Variants in SYNE1 observed in about 807,000 individuals in gnomAD.
SYNE1 encodes the protein spectrin repeat containing nuclear envelope protein 1.
Under a neutral mutation model 1,111.0 loss-of-function variants are expected in SYNE1, and 616 were observed. The observed-to-expected ratio is 0.55, with a 90% CI of 0.52 to 0.59. SYNE1 has a LOEUF of 0.59. SYNE1 is among the 20% of genes least tolerant of loss of function. The pLI is 0.00. For missense variants in SYNE1, 10,006 were observed against 10,417.0 expected (o/e 0.96, Z 1.72); for synonymous variants, 3,855 against 3,825.8 (o/e 1.01, Z -0.28).
At chr6:152,520,659 C>T in intron 5 of SYNE1, 117 bp from the exon 6 acceptor site, 1 of 1,143,084 alleles carries the variant, frequency 8.7e-7, no homozygotes, top group Admixed American at 1.9e-5. Flanking sequence ...AAGCAACCAA[C>T]ATTGTTCACT....
chr6:152,277,274 T>C (rs1247306834), intron 98 of SYNE1, among the ~76,000 whole-genome samples: 28 of 129,204 alleles, frequency 2.2e-4, no homozygotes, highest in Non-Finnish European at 4.0e-4. Flanking sequence ...CTTTTTTTTT[T>C]TTTTTTTTTT....
intron 3 of SYNE1, among the ~76,000 whole-genome samples, chr6:152,623,553 C>G (rs2099679993): frequency 6.6e-6 from 1 of 152,044 alleles, no homozygotes; most frequent in African/African-American, 2.4e-5. Flanking sequence ...AGCTTCTACA[C>G]AGCAAAAGAA....
intron 58 of SYNE1, among the ~76,000 whole-genome samples, chr6:152,375,005 A>G (rs918436648): frequency 1.3e-5 from 2 of 151,676 alleles, no homozygotes; most frequent in Non-Finnish European, 2.9e-5. Context: ...CAGTGGCGCA[A>G]TCTTGGCTCA....
intron 60 of SYNE1, 93 bp downstream of exon 60, chr6:152,369,378 C>T: frequency 6.3e-7 from 1 of 1,578,150 alleles, no homozygotes; most frequent in Non-Finnish European, 8.7e-7. Context: ...GCAGCACAGT[C>T]TAACTCAAGG....
chr6:152,228,201 T>G (rs1329125699), intron 115 of SYNE1, among the ~76,000 whole-genome samples: 1 of 152,188 alleles, frequency 6.6e-6, no homozygotes, highest in Non-Finnish European at 1.5e-5. Context: ...GTTAGGCCAT[T>G]GTGATTTATT....
Position 152,428,338 on chromosome 6 carries a change from T to C in SYNE1, c.4843A>G (p.Ser1615Gly), listed in dbSNP as rs763256548. ...TCTCTGTTCACAACCTTCCTGGCACTGGCTGAGAAGGCAGTGATCGCGCTG... is the reference window on the plus strand; with the variant it reads ...TCTCTGTTCACAACCTTCCTGGCACCGGCTGAGAAGGCAGTGATCGCGCTG... ...LSSAITAFSA[S>G]ARKVVNRDSC... is the part of the protein sequence containing the mutation. Residue 1615 changes from serine to glycine, a missense_variant, in exon 37 of 146, where the codon AGT (serine) becomes GGT (glycine). Around this residue, in one of 7 missense-constraint regions of SYNE1, gnomAD observed 1,971 missense variants for 2,084.1 expected, o/e 0.95. Transcript: ENST00000367255. 3 of 1,614,040 alleles carry C rather than the reference T, an allele frequency of 1.9e-6. No individual in the cohort carries two copies. The highest frequency in any genetic ancestry group is 2.5e-6 in the Non-Finnish European group (3 of 1,180,046).
chr6:152,141,121 C>A, intron 139 of SYNE1, 82 bp downstream of exon 139: 14 of 1,592,100 alleles, frequency 8.8e-6, no homozygotes, highest in Non-Finnish European at 1.2e-5. Flanking sequence ...AGGCCAAGCC[C>A]CCTAAGTGGA....
At chr6:152,561,181 CA>C (rs1163261651) in intron 3 of SYNE1, among the ~76,000 whole-genome samples, 1 of 151,668 alleles carries the variant, frequency 6.6e-6, no homozygotes, top group Non-Finnish European at 1.5e-5. Context: ...TAGACTCCAC[CA>C]AAAAAATGGT....
At chr6:152,192,198 T>C (rs2072630571) in intron 127 of SYNE1, among the ~76,000 whole-genome samples, 1 of 152,226 alleles carries the variant, frequency 6.6e-6, no homozygotes. Context: ...ATCCATATGC[T>C]GGGGAGAAGA....
intron 3 of SYNE1, among the ~76,000 whole-genome samples, chr6:152,624,045 T>C (rs1413716724): frequency 1.3e-5 from 2 of 152,188 alleles, no homozygotes; most frequent in Non-Finnish European, 2.9e-5. Flanking sequence ...GATTACTTTA[T>C]ACTGAACACT....
intron 3 of SYNE1, among the ~76,000 whole-genome samples, chr6:152,598,432 C>T (rs1470567222): frequency 1.3e-5 from 2 of 152,168 alleles, no homozygotes; most frequent in African/African-American, 4.8e-5. Context: ...TCTTTATCAG[C>T]AGTGTGAAAA....
In SYNE1 at chr6:152,577,361, G is replaced by C. The variant is rs1050551073; in HGVS notation, c.68-37340C>G. Among the ~76,000 whole-genome samples the C allele has an allele frequency of 2.0e-5, 3 of 152,154 alleles. No individual in the cohort carries two copies. In the South Asian group the frequency reaches 6.2e-4, roughly 32 times the overall value. On this transcript the variant is annotated intron_variant, in intron 3 of 145. Transcript: ENST00000367255. ...CATAAAAATATTCTTGCCTGGGCGC[G>C]GTGGCTCGCACCTGTAATCCCAGCA...
chr6:152,387,183 A>G lies in SYNE1; in HGVS notation c.8376T>C (p.Arg2792=). 1 of 1,614,144 alleles carries G rather than the reference A, an allele frequency of 6.2e-7. No homozygotes were observed. Among genetic ancestry groups the G allele is most frequent in the Non-Finnish European group, 8.5e-7 (1 of 1,180,018 alleles). Residue 2792 remains arginine (R), a synonymous_variant, in exon 54 of 146, where the codon CGT becomes CGC. Transcript: ENST00000367255. The part of the protein sequence containing the change: ...EAEDHTRALH[R]LIAKSRELYE... Reference sequence around the variant, plus strand: ...AGAGCTCCCTGGACTTCGCAATTAGACGGTGAAGGGCTCTCGTGTGATCTT... The same window carrying G: ...AGAGCTCCCTGGACTTCGCAATTAGGCGGTGAAGGGCTCTCGTGTGATCTT...
In SYNE1 at chr6:152,219,321, G is replaced by A. The variant is rs374643344; in HGVS notation, c.21862-136C>T. Reference sequence around the variant, plus strand: ...TTATTAGGCTAAATAAACTTCACCTGTGGAAAAATGAACACGCACTGAACC... The same window carrying A: ...TTATTAGGCTAAATAAACTTCACCTATGGAAAAATGAACACGCACTGAACC... On this transcript the variant is annotated intron_variant, in intron 119 of 145. Coordinates refer to ENST00000367255, the MANE Select transcript of SYNE1 (RefSeq NM_182961.4). 8 of 900,914 alleles carry A rather than the reference G, an allele frequency of 8.9e-6. No individual in the cohort carries two copies. In the African/African-American group the frequency reaches 1.2e-4, roughly 13 times the overall value. The allele number at this position is 900,914 out of a possible 1,614,324, so 55.8% of individuals were successfully genotyped here. A position where few individuals can be genotyped will look rare whatever the true frequency, so the allele number is the denominator to read the frequency against.
chr6:152,510,211 A>G lies in SYNE1; in HGVS notation c.563T>C (p.Val188Ala). 6.2e-7 allele frequency: 1 copy of G among 1,613,702 alleles called. No individual in the cohort carries two copies. The highest frequency in any genetic ancestry group is 8.5e-7 in the Non-Finnish European group (1 of 1,179,874). The change falls in exon 8 of 146, where the codon GTT (valine) becomes GCT (alanine). Residue 188 changes from valine to alanine, a missense_variant. Physicochemically the swap from Val to Ala is moderately conservative, Grantham distance 64 (BLOSUM62 0). Around this residue, in one of 7 missense-constraint regions of SYNE1, gnomAD observed 1,971 missense variants for 2,084.1 expected, o/e 0.95. Coordinates refer to ENST00000367255, the MANE Select transcript of SYNE1 (RefSeq NM_182961.4). ...TACTTACTTGCCAGCTGTGTACTGA[A>G]CCCACTTTAATAAAGCCTTCTTAGC... ...GNAKKALLKW[V>A]QYTAGKQTGI...
intron 84 of SYNE1, 40 bp from the exon 85 acceptor site, chr6:152,319,055 A>G: frequency 6.2e-7 from 1 of 1,611,300 alleles, no homozygotes; most frequent in Non-Finnish European, 8.5e-7. Context: ...AGCCATGGTT[A>G]AAAGTGAATA....
intron 3 of SYNE1, among the ~76,000 whole-genome samples, chr6:152,577,595 T>G (rs1014014788): frequency 2.0e-5 from 3 of 152,062 alleles, no homozygotes; most frequent in Non-Finnish European, 4.4e-5. Context: ...ATGGTGCCAC[T>G]GCACTCCAGC....
intron 104 of SYNE1, among the ~76,000 whole-genome samples, chr6:152,251,538 C>T (rs550535306): frequency 6.6e-6 from 1 of 151,518 alleles, no homozygotes; most frequent in African/African-American, 2.4e-5. Context: ...GCGGGCGGAT[C>T]ACGAGGTCAG....
At chr6:152,581,854 C>T (rs998428396) in intron 3 of SYNE1, among the ~76,000 whole-genome samples, 24 of 152,118 alleles carry the variant, frequency 1.6e-4, no homozygotes, top group Admixed American at 1.3e-4. Context: ...TTCTTGTCTT[C>T]CCCACTCTAG....
Sources: gnomAD v4.1 joint callset for allele counts (sites outside exome capture counted in the v4.1 genomes callset) on GRCh38, gnomAD v4.1.1 for gene constraint, gnomAD v4.1.1 regional missense constraint, MANE v1.5 for transcripts, NCBI Gene and HGNC (gene_info 2026-07-23, HGNC 2026-07-21) for gene names.